The following DYNC1H1 variants were observed in gnomAD, a reference collection of about 807,000 sequenced individuals.
The protein encoded by DYNC1H1 is cytoplasmic dynein 1 heavy chain 1.
In DYNC1H1, 51 loss-of-function variants were observed where a neutral mutation model predicts 527.1. That is an observed-to-expected ratio of 0.10 (90% confidence interval 0.08 to 0.12). The LOEUF (loss-of-function observed/expected upper bound fraction) is 0.12, where lower values mean the gene tolerates loss of function less well. Among genes scored for constraint, DYNC1H1 ranks in the 10% least tolerant of loss-of-function variants. The pLI is 1.00. For synonymous variants in DYNC1H1, 2,189 were observed against 2,278.8 expected (o/e 0.96, Z 1.12); for missense variants, 2,771 against 5,971.8 (o/e 0.46, Z 17.66).
intron 43 of DYNC1H1, among the ~76,000 whole-genome samples, chr14:102,025,134 G>A (rs574690665): frequency 5.3e-5 from 8 of 151,786 alleles, no homozygotes; most frequent in African/African-American, 1.5e-4. Flanking sequence ...TCAGGAGTTC[G>A]AGACCAGCCT....
At position 102,044,869 on chromosome 14, in the gene DYNC1H1, G is replaced by C; in HGVS notation, c.13006+171G>C. 1.4e-6 allele frequency: 1 copy of C among 711,390 alleles called. No individual in the cohort carries two copies. The highest frequency in any genetic ancestry group is 2.4e-6 in the Non-Finnish European group (1 of 418,862). 44.1% of individuals were successfully genotyped at this position (711,390 alleles called of 1,614,324 possible). On this transcript the variant is annotated intron_variant, in intron 72 of 77. Transcript: ENST00000360184. The surrounding 1 kb of genome is among the most constrained non-coding windows in gnomAD (Gnocchi z 7.1). The stretch of plus-strand genomic sequence containing the variant: ...GCCTCGGCCTTCCTGCCAGTCTCCA[G>C]CTGCTCCTAGCTCCACTCCGAGGGG...
chr14:101,984,671 G>C (rs1205975164), intron 7 of DYNC1H1, among the ~76,000 whole-genome samples: 1 of 150,522 alleles, frequency 6.6e-6, no homozygotes, highest in Admixed American at 6.6e-5. Flanking sequence ...GGTGGCTCAC[G>C]CCTGTAATCC....
rs17512460 is a variant in DYNC1H1, at chr14:102,016,783, A to G, written c.7632A>G (p.Glu2544=). Reference sequence around the variant, plus strand: ...GTGTGTAGGTGTCCATCAGCGGAGAATGGTCTCCGTGGCAGGCCAAGGTGC... The same window carrying G: ...GTGTGTAGGTGTCCATCAGCGGAGAGTGGTCTCCGTGGCAGGCCAAGGTGC... ...IIDYEVSISG[E]WSPWQAKVPQ... Residue 2544 remains glutamate, a synonymous_variant, in exon 38 of 78, where the codon GAA becomes GAG. Coordinates refer to ENST00000360184, the MANE Select transcript of DYNC1H1 (RefSeq NM_001376.5). This position sits in a 1 kb window ranked among gnomAD's most constrained non-coding sequence, Gnocchi z 7.3. 6,289 of 1,613,836 alleles carry G rather than the reference A, an allele frequency of 3.9e-3. 138 individuals are homozygous for G. In the Admixed American group the frequency reaches 0.042, roughly 11 times the overall value.
chr14:101,990,800 A>G (rs1048544444), intron 10 of DYNC1H1, among the ~76,000 whole-genome samples: 1 of 151,950 alleles, frequency 6.6e-6, no homozygotes, highest in Admixed American at 6.6e-5. Flanking sequence ...CACGAGGTCA[A>G]GAGATAGAGA....
At position 102,000,283 on chromosome 14, in the gene DYNC1H1, C is replaced by T. The variant is rs113172372; in HGVS notation, c.3961-3C>T. ...TCAACTGCTTTACTATTCTCAATCG[C>T]AGGTGGCCTTAGAAGAATTACAGGA... On this transcript the variant is annotated splice_region_variant and splice_polypyrimidine_tract_variant and intron_variant, in intron 17 of 77. Transcript: ENST00000360184. 3 of 1,614,142 alleles carry T rather than the reference C, an allele frequency of 1.9e-6. No homozygotes were observed. Among genetic ancestry groups the T allele is most frequent in the African/African-American group, 1.3e-5 (1 of 75,042 alleles).
In DYNC1H1 at chr14:102,001,462, T is replaced by C. The variant is rs879136120; in HGVS notation, c.4396-73T>C. On this transcript the variant is annotated intron_variant, in intron 20 of 77. Transcript: ENST00000360184. This position sits in a 1 kb window ranked among gnomAD's most constrained non-coding sequence, Gnocchi z 5.0. ...TCATCTGTGGTCCTTTTGGTTCTTA[T>C]AATGCTGGGTCCCTTGTGCAGGTAG... 1.1e-5 allele frequency: 18 copies of C among 1,613,570 alleles called. No homozygotes were observed. The South Asian group carries it at 1.3e-4, about 12-fold the overall frequency.
intron 28 of DYNC1H1, 133 bp downstream of exon 28, chr14:102,007,241 G>A (rs965003724): frequency 1.2e-6 from 1 of 836,130 alleles, no homozygotes; most frequent in African/African-American, 1.7e-5. Context: ...CCTGAGTCCT[G>A]TAGTAGGGAT....
chr14:101,978,813 A>T (rs895363140), intron 2 of DYNC1H1, among the ~76,000 whole-genome samples: 2 of 152,186 alleles, frequency 1.3e-5, no homozygotes, highest in Admixed American at 6.5e-5. Flanking sequence ...ATCAATATAG[A>T]TTTCTTAAGC....
chr14:102,031,526 G>A (rs186302890), intron 51 of DYNC1H1, among the ~76,000 whole-genome samples: 2 of 152,248 alleles, frequency 1.3e-5, no homozygotes, highest in African/African-American at 2.4e-5. Context: ...CACTGTGCCT[G>A]GCAGCCATTG....
chr14:102,024,882 G>T (rs1437832952), intron 43 of DYNC1H1, among the ~76,000 whole-genome samples: 1 of 151,278 alleles, frequency 6.6e-6, no homozygotes, highest in Admixed American at 6.6e-5. Context: ...TTTTAGTAGA[G>T]ATGGGGTTTC....
At position 102,049,550 on chromosome 14, in the gene DYNC1H1, G is replaced by A. The variant is rs1567026040; in HGVS notation, c.13483G>A (p.Ala4495Thr). 1 of 1,614,144 alleles carries A rather than the reference G, an allele frequency of 6.2e-7. No homozygotes were observed. The change falls in exon 75 of 78, where the codon GCA becomes ACA. Residue 4495 changes from alanine (A) to threonine (T), a missense_variant. By Grantham distance (58) the Ala-to-Thr change is moderately conservative. Around this residue, in one of 32 missense-constraint regions of DYNC1H1, gnomAD observed 170 missense variants for 249.8 expected, o/e 0.68. Coordinates refer to ENST00000360184, the MANE Select transcript of DYNC1H1 (RefSeq NM_001376.5). The surrounding 1 kb of genome is among the most constrained non-coding windows in gnomAD (Gnocchi z 5.5). ...RIKQLQNISL[A>T]AASGGAKELK... ...CAAACAGCTGCAGAACATCTCACTG[G>A]CAGCTGCATCTGGTGGCGCCAAGGA...
intron 2 of DYNC1H1, among the ~76,000 whole-genome samples, chr14:101,976,446 G>A (rs2047801633): frequency 6.6e-6 from 1 of 151,596 alleles, no homozygotes; most frequent in African/African-American, 2.4e-5. Flanking sequence ...GGAGGCTGAG[G>A]CAGTTGAATA....
rs752109929 is a variant in DYNC1H1, at chr14:101,994,757, G to T, written c.3241G>T (p.Ala1081Ser). Residue 1081 changes from alanine (A) to serine (S), a missense_variant, in exon 13 of 78, where the codon GCT becomes TCT. Around this residue, in one of 32 missense-constraint regions of DYNC1H1, gnomAD observed 179 missense variants for 349.4 expected, o/e 0.51. Coordinates refer to ENST00000360184, the MANE Select transcript of DYNC1H1 (RefSeq NM_001376.5). ...RLGEDLNKWQ[A>S]LLVQIRKARG... ...TGGAGAAGATCTCAACAAATGGCAG[G>T]CTCTCCTGGTCCAAATAAGGAAGGC... is the stretch of plus-strand genomic sequence containing the variant. 2.5e-6 allele frequency: 4 copies of T among 1,614,190 alleles called. No individual in the cohort carries two copies. The highest frequency in any genetic ancestry group is 3.4e-6 in the Non-Finnish European group (4 of 1,180,042).
intron 64 of DYNC1H1, 44 bp downstream of exon 64, chr14:102,040,717 T>A: frequency 6.2e-7 from 1 of 1,609,882 alleles, no homozygotes; most frequent in Non-Finnish European, 8.5e-7. Flanking sequence ...AATGTAAAGT[T>A]GGGTTTTGCT....
intron 1 of DYNC1H1, among the ~76,000 whole-genome samples, chr14:101,966,658 G>A (rs902982835): frequency 6.6e-6 from 1 of 151,876 alleles, no homozygotes; most frequent in Admixed American, 6.6e-5. Context: ...GCTAATCCTT[G>A]ATATTTTTAT....
rs1047145739 is a variant in DYNC1H1, at chr14:102,012,528, G to C, written c.7014+58G>C. On this transcript the variant is annotated intron_variant, in intron 34 of 77. Coordinates refer to ENST00000360184, the MANE Select transcript of DYNC1H1 (RefSeq NM_001376.5). This position sits in a 1 kb window ranked among gnomAD's most constrained non-coding sequence, Gnocchi z 4.9. ...AATTCCTTTTGGCCAACTAAACTTC[G>C]TGTGCTAGCTAAGTGCAGCTCTGGA... 2 of 1,610,554 alleles carry C rather than the reference G, an allele frequency of 1.2e-6. No homozygotes were observed. The highest frequency in any genetic ancestry group is 1.7e-6 in the Non-Finnish European group (2 of 1,177,414).
rs775473086 is a variant in DYNC1H1, at chr14:101,986,167, A to G, written c.1942A>G (p.Ile648Val). 3.1e-6 allele frequency: 5 copies of G among 1,614,214 alleles called. No individual in the cohort carries two copies. The Admixed American group carries it at 6.7e-5, about 22-fold the overall frequency. Residue 648 changes from isoleucine to valine, a missense_variant, in exon 8 of 78, where the codon ATC becomes GTC. Physicochemically the swap from Ile to Val is conservative, Grantham distance 29. Around this residue, in one of 32 missense-constraint regions of DYNC1H1, gnomAD observed 264 missense variants for 619.4 expected, o/e 0.43. Transcript: ENST00000360184. This position sits in a 1 kb window ranked among gnomAD's most constrained non-coding sequence, Gnocchi z 8.7. ...VRDLPPVSGS[I>V]IWAKQIDRQL... ...TGACTTGCCCCCTGTGTCAGGGTCTATCATCTGGGCTAAACAGATCGACAG... is the reference window on the plus strand; with the variant it reads ...TGACTTGCCCCCTGTGTCAGGGTCTGTCATCTGGGCTAAACAGATCGACAG...
chr14:102,050,373 G>A (rs777634877), intron 77 of DYNC1H1, 62 bp from the exon 78 acceptor site: 40 of 1,613,692 alleles, frequency 2.5e-5, no homozygotes, highest in Non-Finnish European at 3.1e-5. Context: ...AGCTGTCCCG[G>A]GCAGTCTTCC....
intron 42 of DYNC1H1, among the ~76,000 whole-genome samples, chr14:102,021,686 G>A (rs577049201): frequency 7.5e-6 from 1 of 134,072 alleles, no homozygotes; most frequent in African/African-American, 2.8e-5. Flanking sequence ...TGAGACAAGA[G>A]TCTCGCTTTG....
Sources: gnomAD v4.1 joint callset for allele counts (sites outside exome capture counted in the v4.1 genomes callset) on GRCh38, gnomAD v4.1.1 for gene constraint, gnomAD v4.1.1 regional missense constraint, Gnocchi (gnomAD v3.1) non-coding constraint, MANE v1.5 for transcripts, NCBI Gene and HGNC (gene_info 2026-07-23, HGNC 2026-07-21) for gene names.